The following ANKS1B variants were observed in gnomAD, a reference collection of about 807,000 sequenced individuals.
ANKS1B encodes ankyrin repeat and sterile alpha motif domain-containing protein 1B.
A neutral mutation model predicts 148.3 loss-of-function variants in ANKS1B; 36 were observed. The ratio of observed to expected loss-of-function variants is 0.24; its 90% CI spans 0.19 to 0.32. The LOEUF is 0.32. Among genes scored for constraint, ANKS1B ranks in the 10% least tolerant of loss-of-function variants. ANKS1B has a pLI of 1.00. For synonymous variants in ANKS1B, 542 were observed against 560.8 expected (o/e 0.97, Z 0.47); for missense variants, 1,157 against 1,542.6 (o/e 0.75, Z 4.19).
intron 14 of ANKS1B, among the ~76,000 whole-genome samples, chr12:99,177,245 T>C (rs2078511659): frequency 1.3e-5 from 2 of 152,266 alleles, no homozygotes; most frequent in South Asian, 2.1e-4. Context: ...GCATGCTGTT[T>C]AATAAAGTGT....
intron 17 of ANKS1B, among the ~76,000 whole-genome samples, chr12:98,878,714 C>G (rs1392239064): frequency 1.3e-5 from 2 of 152,092 alleles, no homozygotes; most frequent in African/African-American, 4.8e-5. Flanking sequence ...TTTGGGGAAA[C>G]CACATTGATT....
At chr12:98,943,145 G>C (rs547347059) in intron 17 of ANKS1B, among the ~76,000 whole-genome samples, 2 of 152,294 alleles carry the variant, frequency 1.3e-5, no homozygotes, top group East Asian at 3.9e-4. Context: ...GTAGTACACT[G>C]CTATTTCTTG....
In ANKS1B at chr12:99,307,490, A is replaced by AG. The variant is rs201931575; in HGVS notation, c.1757-60627_1757-60626insC. Among the ~76,000 whole-genome samples, 1,288 of 152,220 alleles carry AG rather than the reference A, an allele frequency of 8.5e-3. 76 individuals are homozygous for AG. The highest frequency in any genetic ancestry group is 0.074 in the Admixed American group (1,133 of 15,262). On this transcript the variant is annotated intron_variant, in intron 12 of 26. Transcript: ENST00000683438. ...AAGGTTTGCAGGAAAAGAAACAGAA[A>AG]AAGGCAGTGAACAGGCAGTCCTGGA...
At chr12:99,775,766 T>C in intron 6 of ANKS1B, 105 bp from the exon 7 acceptor site, 1 of 581,502 alleles carries the variant, frequency 1.7e-6, no homozygotes, top group Admixed American at 3.1e-5. Flanking sequence ...TATTTTTTCA[T>C]ATCCTAAATA....
chr12:99,838,557 T>A (rs550758996), intron 1 of ANKS1B, among the ~76,000 whole-genome samples: 6 of 152,162 alleles, frequency 3.9e-5, no homozygotes, highest in Non-Finnish European at 8.8e-5. Flanking sequence ...TAACCCTTTC[T>A]AATGTTGAAA....
chr12:99,164,774 T>G (rs2077038397), intron 14 of ANKS1B, among the ~76,000 whole-genome samples: 1 of 152,084 alleles, frequency 6.6e-6, no homozygotes, highest in East Asian at 1.9e-4. Context: ...TGATAATCAT[T>G]TAGTAAACAT....
intron 11 of ANKS1B, among the ~76,000 whole-genome samples, chr12:99,414,194 C>T (rs1429522344): frequency 5.3e-5 from 8 of 151,986 alleles, no homozygotes; most frequent in Non-Finnish European, 1.2e-4. Context: ...AACCGTATTA[C>T]CTGCAAAAAT....
intron 8 of ANKS1B, among the ~76,000 whole-genome samples, chr12:99,671,527 T>C (rs191273593): frequency 2.6e-5 from 4 of 152,274 alleles, no homozygotes; most frequent in African/African-American, 9.6e-5. Context: ...ATTGTATACA[T>C]ATTATTTCTA....
At position 99,937,583 on chromosome 12, in the gene ANKS1B, G is replaced by T. The variant is rs115960704; in HGVS notation, c.134+46521C>A. On this transcript the variant is annotated intron_variant, in intron 1 of 26. Transcript: ENST00000683438. ...AGAAGTAGAACACTATGAAAAGAAG[G>T]CCTCCTGATACAGTTGCTAGTCTTT... 2.7e-3 allele frequency among the ~76,000 whole-genome samples: 407 copies of T among 152,152 alleles called. 1 individual carries two copies. Among genetic ancestry groups the T allele is most frequent in the African/African-American group, 9.4e-3 (391 of 41,526 alleles).
chr12:98,973,259 C>G (rs1359178042), intron 17 of ANKS1B, among the ~76,000 whole-genome samples: 1 of 151,096 alleles, frequency 6.6e-6, no homozygotes, highest in Non-Finnish European at 1.5e-5. Context: ...GGTAAAGTTG[C>G]ATACTTGAGA....
intron 12 of ANKS1B, among the ~76,000 whole-genome samples, chr12:99,338,432 C>G (rs2089345832): frequency 6.6e-6 from 1 of 152,100 alleles, no homozygotes; most frequent in Non-Finnish European, 1.5e-5. Context: ...AGTGGGCTCC[C>G]CTCTGGCCCA....
chr12:98,740,534 G>A (rs1053779200), downstream of ANKS1B, among the ~76,000 whole-genome samples: 2 of 152,164 alleles, frequency 1.3e-5, no homozygotes, highest in African/African-American at 4.8e-5. Flanking sequence ...AGCTCTGTCA[G>A]GATGATCACC....
intron 17 of ANKS1B, among the ~76,000 whole-genome samples, chr12:98,854,382 A>G (rs1404903233): frequency 1.3e-5 from 2 of 151,940 alleles, no homozygotes; most frequent in African/African-American, 4.9e-5. Flanking sequence ...CACTGAAATA[A>G]ATCCTTGAGA....
At chr12:99,355,112 G>T (rs986805388) in intron 12 of ANKS1B, among the ~76,000 whole-genome samples, 3 of 151,954 alleles carry the variant, frequency 2.0e-5, no homozygotes, top group Admixed American at 2.0e-4. Context: ...TCCTTTAATT[G>T]ATAAAACATT....
intron 1 of ANKS1B, among the ~76,000 whole-genome samples, chr12:99,858,081 C>G (rs1428008069): frequency 1.3e-5 from 2 of 152,172 alleles, no homozygotes; most frequent in Non-Finnish European, 2.9e-5. Flanking sequence ...AAAAGATAAT[C>G]ATCAGAGAAA....
chr12:99,068,066 G>T (rs938507454), intron 16 of ANKS1B, among the ~76,000 whole-genome samples: 1 of 151,876 alleles, frequency 6.6e-6, no homozygotes, highest in Non-Finnish European at 1.5e-5. Flanking sequence ...GCACTATAGT[G>T]CATCATATGT....
chr12:98,826,961 AC>A (rs1336212919), intron 19 of ANKS1B, among the ~76,000 whole-genome samples: 1 of 151,884 alleles, frequency 6.6e-6, no homozygotes, highest in Non-Finnish European at 1.5e-5. Flanking sequence ...ACAGCAAATG[AC>A]CAAAAATAAG....
chr12:99,249,352 G>A (rs905697745), intron 12 of ANKS1B, among the ~76,000 whole-genome samples: 6 of 152,038 alleles, frequency 3.9e-5, no homozygotes, highest in African/African-American at 1.5e-4. Flanking sequence ...ATTATTATTA[G>A]GTTACCATCC....
intron 17 of ANKS1B, among the ~76,000 whole-genome samples, chr12:98,975,292 A>G (rs1309613016): frequency 3.1e-5 from 2 of 65,188 alleles, no homozygotes; most frequent in South Asian, 4.5e-4. Flanking sequence ...TTTTTTCTCT[A>G]CCTCCCTCCC....
Sources: gnomAD v4.1 joint callset for allele counts (sites outside exome capture counted in the v4.1 genomes callset) on GRCh38, gnomAD v4.1.1 for gene constraint, MANE v1.5 for transcripts, NCBI Gene and HGNC (gene_info 2026-07-23, HGNC 2026-07-21) for gene names.